ZFHX4: variants seen among roughly 807,000 people sequenced by gnomAD.
ZFHX4 encodes zinc finger homeobox 4, also known as zinc finger homeobox protein 4.
Under a neutral mutation model 267.6 loss-of-function variants are expected in ZFHX4, and 56 were observed. The ratio of observed to expected loss-of-function variants is 0.21; its 90% CI spans 0.17 to 0.26. The LOEUF is 0.26. ZFHX4 is among the 10% of genes least tolerant of loss of function. The pLI is 1.00. For missense variants in ZFHX4, 4,332 were observed against 4,420.0 expected (o/e 0.98, Z 0.56); for synonymous variants, 1,778 against 1,665.6 (o/e 1.07, Z -1.64).
intron 4 of ZFHX4, among the ~76,000 whole-genome samples, chr8:76,830,194 A>G (rs889176947): frequency 6.6e-6 from 1 of 152,320 alleles, no homozygotes; most frequent in East Asian, 1.9e-4. Context: ...TGATCAATAC[A>G]CTATTCCACA....
chr8:76,782,901 G>T (rs7003295), intron 4 of ZFHX4, among the ~76,000 whole-genome samples: 2 of 151,680 alleles, frequency 1.3e-5, no homozygotes, highest in Admixed American at 1.3e-4. Flanking sequence ...ATCAGCTCTC[G>T]TGCTATAAAC....
chr8:76,819,666 C>A (rs376333239), intron 4 of ZFHX4, among the ~76,000 whole-genome samples: 7 of 152,108 alleles, frequency 4.6e-5, no homozygotes. Context: ...TGCCCCAGCA[C>A]CAGCTTATAA....
rs1279011822 is a variant in ZFHX4, at chr8:76,865,725, A to C, written c.*1160A>C. 1 of 152,524 alleles carries C rather than the reference A, an allele frequency of 6.6e-6. No individual in the cohort carries two copies. The highest frequency in any genetic ancestry group is 1.5e-5 in the Non-Finnish European group (1 of 68,002). The allele number at this position is 152,524 out of a possible 1,614,324, so 9.4% of individuals were successfully genotyped here. On this transcript the variant is annotated 3_prime_UTR_variant, in exon 11 of 11. Transcript: ENST00000651372. ...TTTAAAAAATAAAAAGGGGACTAAAAATTTGTTTTGTATAAAGAGGTTAGC... is the reference window on the plus strand; with the variant it reads ...TTTAAAAAATAAAAAGGGGACTAAACATTTGTTTTGTATAAAGAGGTTAGC...
At chr8:76,782,100 A>ATTTTT (rs77420241) in intron 4 of ZFHX4, 5 of 236,754 alleles carry the variant, frequency 2.1e-5, no homozygotes, top group East Asian at 1.5e-4. Context: ...TCAGTTAAGA[A>ATTTTT]TTTTTTTTTT....
intron 5 of ZFHX4, among the ~76,000 whole-genome samples, chr8:76,835,255 A>ATATGTATATATATGTG (rs1812061700): frequency 1.4e-5 from 2 of 142,634 alleles, no homozygotes; most frequent in Admixed American, 7.1e-5. Flanking sequence ...ATATATATAT[A>ATATGTATATATATGTG]TATATTCATA....
intron 3 of ZFHX4, among the ~76,000 whole-genome samples, chr8:76,760,109 G>A (rs1304874869): frequency 2.0e-5 from 3 of 152,108 alleles, no homozygotes; most frequent in Admixed American, 1.3e-4. Context: ...TACACATGAA[G>A]TTCATTAGAT....
rs966778544 is a variant in ZFHX4, at chr8:76,834,259, C to T, written c.3394+853C>T. On this transcript the variant is annotated intron_variant, in intron 5 of 10. Coordinates refer to ENST00000651372, the MANE Select transcript of ZFHX4 (RefSeq NM_024721.5). ...TCCCTTTGATAAATGCCAAGGAGTA[C>T]AATTACTAGATTGTATGATAAGAGC... 2.7e-5 allele frequency: 8 copies of T among 296,648 alleles called. No homozygotes were observed. The East Asian group carries it at 6.9e-4, about 25-fold the overall frequency. The allele number at this position is 296,648 out of a possible 1,614,324, so 18.4% of individuals were successfully genotyped here.
At chr8:76,798,647 C>T (rs1323044170) in intron 4 of ZFHX4, among the ~76,000 whole-genome samples, 1 of 152,182 alleles carries the variant, frequency 6.6e-6, no homozygotes, top group East Asian at 1.9e-4. Context: ...CAAAGCAACT[C>T]ACAAGGGTTA....
At chr8:76,809,883 A>G (rs1429782174) in intron 4 of ZFHX4, among the ~76,000 whole-genome samples, 3 of 152,184 alleles carry the variant, frequency 2.0e-5, no homozygotes, top group African/African-American at 7.2e-5. Flanking sequence ...GTTGATTGAT[A>G]TTTGACCAAA....
chr8:76,758,953 A>T (rs1287909241), intron 3 of ZFHX4, among the ~76,000 whole-genome samples: 1 of 152,228 alleles, frequency 6.6e-6, no homozygotes, highest in Non-Finnish European at 1.5e-5. Context: ...ATGTATTTTG[A>T]AAATAAATAG....
At chr8:76,714,320 T>C (rs1408578842) in intron 3 of ZFHX4, among the ~76,000 whole-genome samples, 1 of 152,018 alleles carries the variant, frequency 6.6e-6, no homozygotes, top group African/African-American at 2.4e-5. Context: ...GCTGAAAGGG[T>C]CTTGGCCCTG....
At position 76,851,443 on chromosome 8, in the gene ZFHX4, T is replaced by C. The variant is rs1198742339; in HGVS notation, c.4522T>C (p.Ser1508Pro). The C allele has an allele frequency of 1.2e-6, 2 of 1,613,844 alleles. No individual in the cohort carries two copies. Among genetic ancestry groups the C allele is most frequent in the Non-Finnish European group, 1.7e-6 (2 of 1,179,858 alleles). Residue 1508 changes from serine (S) to proline (P), a missense_variant, in exon 10 of 11, where the codon TCT becomes CCT. Ser to Pro is a moderately conservative substitution (Grantham distance 74). Around this residue, in one of 7 missense-constraint regions of ZFHX4, gnomAD observed 1,371 missense variants for 1,423.1 expected, o/e 0.96. Transcript: ENST00000651372. ...KASPVGSDSS[S>P]IPDDMGSEPK... ...AAGTCCTGTAGGAAGTGATAGTAGC[T>C]CTATTCCAGATGACATGGGCTCTGA...
chr8:76,699,515 G>A (rs760652053), intron 1 of ZFHX4, among the ~76,000 whole-genome samples: 7 of 152,048 alleles, frequency 4.6e-5, no homozygotes, highest in South Asian at 2.1e-4. Flanking sequence ...TGTATCTGAC[G>A]TAACTGGTAC....
At chr8:76,834,025 G>A (rs571908686) in intron 5 of ZFHX4, 10 of 319,644 alleles carry the variant, frequency 3.1e-5, no homozygotes, top group Non-Finnish European at 5.0e-5. Context: ...TTAGTAATAT[G>A]CATTTAAGTT....
chr8:76,733,283 G>A (rs1809070540), intron 3 of ZFHX4: 1 of 152,070 alleles, frequency 6.6e-6, no homozygotes, highest in Admixed American at 6.6e-5. Flanking sequence ...TGGTTTTTCT[G>A]TTTCGGTCAT....
At chr8:76,794,740 A>G (rs572740948) in intron 4 of ZFHX4, among the ~76,000 whole-genome samples, 224 of 152,316 alleles carry the variant, frequency 1.5e-3, no homozygotes, top group Non-Finnish European at 2.6e-3. Flanking sequence ...TTAAGTGTAG[A>G]TTTGTAGTAG....
chr8:76,699,636 C>G (rs1808050288), intron 1 of ZFHX4, among the ~76,000 whole-genome samples: 1 of 151,250 alleles, frequency 6.6e-6, no homozygotes, highest in South Asian at 2.1e-4. Flanking sequence ...TTAAAAGCTT[C>G]TGTACAGTAG....
intron 3 of ZFHX4, among the ~76,000 whole-genome samples, chr8:76,709,941 T>A (rs1331924808): frequency 1.3e-5 from 2 of 152,090 alleles, no homozygotes; most frequent in Non-Finnish European, 2.9e-5. Flanking sequence ...GAGAGTTGGA[T>A]GTTGTCTTTG....
chr8:76,824,722 G>A (rs1229514717), intron 4 of ZFHX4, among the ~76,000 whole-genome samples: 2 of 151,984 alleles, frequency 1.3e-5, no homozygotes, highest in Admixed American at 1.3e-4. Context: ...ACAGGCATGT[G>A]CCACTCTACC....
Sources: gnomAD v4.1 joint callset for allele counts (sites outside exome capture counted in the v4.1 genomes callset) on GRCh38, gnomAD v4.1.1 for gene constraint, gnomAD v4.1.1 regional missense constraint, MANE v1.5 for transcripts, NCBI Gene and HGNC (gene_info 2026-07-23, HGNC 2026-07-21) for gene names.